Variants in KIF7 observed in about 807,000 individuals in gnomAD.
The protein encoded by KIF7 is kinesin-like protein KIF7.
Under a neutral mutation model 135.7 loss-of-function variants are expected in KIF7, and 104 were observed. The observed-to-expected ratio is 0.77, with a 90% CI of 0.65 to 0.90. The LOEUF (loss-of-function observed/expected upper bound fraction) is 0.90, where lower values mean the gene tolerates loss of function less well. KIF7 is among the 40% of genes least tolerant of loss of function. The pLI is 0.00. For synonymous variants in KIF7, 883 were observed against 809.4 expected, an observed-to-expected ratio of 1.09 and a Z score of -1.54; for missense variants, 2,005 against 1,839.1, an observed-to-expected ratio of 1.09 and a Z score of -1.65.
chr15:89,634,112 A>C (rs1403359819), intron 11 of KIF7, among the ~76,000 whole-genome samples: 1 of 152,194 alleles, frequency 6.6e-6, no homozygotes, highest in Non-Finnish European at 1.5e-5. Context: ...CAACCTGGCC[A>C]ACATAGTGAA....
downstream of KIF7, chr15:89,625,788 T>C: frequency 1.3e-6 from 2 of 1,593,090 alleles, no homozygotes; most frequent in Non-Finnish European, 1.7e-6. Context: ...TTGTTTCCGG[T>C]GAGTTCGTTT....
In KIF7 at chr15:89,630,268, C is replaced by T; in HGVS notation, c.3318+19G>A. 1 of 1,611,624 alleles carries T rather than the reference C, an allele frequency of 6.2e-7. No homozygotes were observed. The highest frequency in any genetic ancestry group is 8.5e-7 in the Non-Finnish European group (1 of 1,178,064). On this transcript the variant is annotated intron_variant, in intron 16 of 18. Transcript: ENST00000394412. ...GTGCCGCTGAGGAGGAGCTGGGGGGCCATGGGCTGCTGGCCCACCTTGTCA... is the reference window on the plus strand; with the variant it reads ...GTGCCGCTGAGGAGGAGCTGGGGGGTCATGGGCTGCTGGCCCACCTTGTCA...
intron 10 of KIF7, among the ~76,000 whole-genome samples, chr15:89,642,875 C>A (rs1358941953): frequency 1.3e-5 from 2 of 152,176 alleles, no homozygotes; most frequent in Admixed American, 1.3e-4. Flanking sequence ...AGCCTCAACT[C>A]ACCTTTTAAA....
chr15:89,639,820 C>T (rs915308459), intron 11 of KIF7, among the ~76,000 whole-genome samples: 1 of 151,994 alleles, frequency 6.6e-6, no homozygotes, highest in African/African-American at 2.4e-5. Context: ...ATAAATCATG[C>T]AGCTATAAAG....
exon 2 of KIF7, chr15:89,618,069 G>A: frequency 7.4e-7 from 1 of 1,359,142 alleles, no homozygotes; most frequent in Non-Finnish European, 1.1e-6. Context: ...TTGTGATCTT[G>A]TTAAGTGAGA....
chr15:89,625,738 A>C (rs775829430), downstream of KIF7: 4 of 1,612,902 alleles, frequency 2.5e-6, no homozygotes, highest in South Asian at 4.4e-5. Context: ...TCCAAGTTGG[A>C]GTGCATGGCA....
At chr15:89,648,033 G>A (rs1340843872) in intron 5 of KIF7, among the ~76,000 whole-genome samples, 1 of 152,228 alleles carries the variant, frequency 6.6e-6, no homozygotes, top group Non-Finnish European at 1.5e-5. Flanking sequence ...CCCACTAAGA[G>A]ATGGGGTAAG....
chr15:89,617,912 G>A (rs897622766), intron 2 of KIF7: 15 of 456,456 alleles, frequency 3.3e-5, no homozygotes, highest in Middle Eastern at 1.2e-3. Context: ...GACTGGTCTC[G>A]AACTCCTGAC....
chr15:89,637,407 G>A (rs892337152), intron 11 of KIF7, among the ~76,000 whole-genome samples: 1 of 151,244 alleles, frequency 6.6e-6, no homozygotes, highest in African/African-American at 2.4e-5. Context: ...TTTTTGAAAG[G>A]ATCAACAAAA....
At chr15:89,648,016 C>T (rs919840669) in intron 5 of KIF7, among the ~76,000 whole-genome samples, 3 of 152,216 alleles carry the variant, frequency 2.0e-5, no homozygotes, top group African/African-American at 7.2e-5. Context: ...TCAGCCCTTA[C>T]AACATCCCCA....
At chr15:89,622,770 C>T (rs763064116) in intron 1 of KIF7, among the ~76,000 whole-genome samples, 4 of 152,180 alleles carry the variant, frequency 2.6e-5, no homozygotes, top group Non-Finnish European at 5.9e-5. Context: ...ACTTCCAGGC[C>T]TTTGCTAGTA....
At chr15:89,646,648 G>A (rs1964018289) in intron 7 of KIF7, among the ~76,000 whole-genome samples, 182 bp downstream of exon 7, 1 of 152,152 alleles carries the variant, frequency 6.6e-6, no homozygotes, top group Non-Finnish European at 1.5e-5. Flanking sequence ...CCTTCTGAGA[G>A]GCCCAGAGTC....
chr15:89,661,248 C>G, the KIF7 span, among the ~76,000 whole-genome samples: 1 of 152,072 alleles, frequency 6.6e-6, no homozygotes, highest in Non-Finnish European at 1.5e-5. Context: ...ATAAAAATCT[C>G]TAGTGAAAAC....
At position 89,648,495 on chromosome 15, in the gene KIF7, G is replaced by C. The variant is rs1346901172; in HGVS notation, c.1203C>G (p.Ala401=). ...CGCACTCGGCGCCCAGGCGCATGGC[G>C]GCCGCCGCGGAGGCGGTGGCTGGGC... is the stretch of plus-strand genomic sequence containing the variant. ...APGPATASAA[A]AMRLGAECAR... is the part of the protein sequence containing the mutation. Residue 401 remains alanine (A), a synonymous_variant, in exon 5 of 19, where the codon GCC becomes GCG. Coordinates refer to ENST00000394412, the MANE Select transcript of KIF7 (RefSeq NM_198525.3). 6 of 1,042,046 alleles carry C rather than the reference G, an allele frequency of 5.8e-6. No individual in the cohort carries two copies. Among genetic ancestry groups the C allele is most frequent in the Non-Finnish European group, 5.8e-6 (5 of 866,110 alleles). 64.5% of individuals were successfully genotyped at this position (1,042,046 alleles called of 1,614,324 possible).
At chr15:89,619,746 T>A in intron 1 of KIF7, 10 of 1,613,866 alleles carry the variant, frequency 6.2e-6, no homozygotes, top group Middle Eastern at 1.6e-4. Flanking sequence ...CAAGCAGTTG[T>A]CATTTAGCAG....
At position 89,629,045 on chromosome 15, in the gene KIF7, G is replaced by A. The variant is rs748917501; in HGVS notation, c.3595C>T (p.Arg1199Cys). ...RIQALEKELGRYMWINQELKQ... is the reference protein window; with the variant it reads ...RIQALEKELGCYMWINQELKQ... Reference sequence around the variant, plus strand: ...AGTTCCTGGTTTATCCACATGTAACGGCCCAGTTCCTTCTCCAGAGCTTGA... The same window carrying A: ...AGTTCCTGGTTTATCCACATGTAACAGCCCAGTTCCTTCTCCAGAGCTTGA... Residue 1199 changes from arginine to cysteine, a missense_variant, in exon 18 of 19, where the codon CGT becomes TGT. Physicochemically the swap from Arg to Cys is radical, Grantham distance 180 (BLOSUM62 -3). Transcript: ENST00000394412. 25 of 1,613,374 alleles carry A rather than the reference G, an allele frequency of 1.5e-5. No homozygotes were observed. The highest frequency in any genetic ancestry group is 1.3e-4 in the African/African-American group (10 of 74,636).
intron 16 of KIF7, 85 bp from the exon 17 acceptor site, chr15:89,629,658 C>T: frequency 6.4e-7 from 1 of 1,550,532 alleles, no homozygotes; most frequent in Non-Finnish European, 8.8e-7. Context: ...AGTATTGGCA[C>T]ACTTGCCACC....
chr15:89,660,155 A>T (rs1281213944), upstream of KIF7, among the ~76,000 whole-genome samples: 4 of 152,194 alleles, frequency 2.6e-5, no homozygotes, highest in Admixed American at 2.0e-4. Context: ...CCAAGATCGT[A>T]CCACTGCACT....
Position 89,630,452 on chromosome 15 carries a change from G to A in KIF7, c.3153C>T (p.Ala1051=). Reference sequence around the variant, plus strand: ...TCTTATACTCAATGGCAGCATCCAGGGCCTCGATGGCCTCATCCAACTGGA... The same window carrying A: ...TCTTATACTCAATGGCAGCATCCAGAGCCTCGATGGCCTCATCCAACTGGA... ...TLFQLDEAIE[A]LDAAIEYKNE... is the part of the protein sequence containing the mutation. Residue 1051 remains alanine (A), a synonymous_variant, in exon 16 of 19, where the codon GCC becomes GCT. Coordinates refer to ENST00000394412, the MANE Select transcript of KIF7 (RefSeq NM_198525.3). 1 of 1,570,082 alleles carries A rather than the reference G, an allele frequency of 6.4e-7. No homozygotes were observed. The highest frequency in any genetic ancestry group is 1.2e-5 in the South Asian group (1 of 85,732).
Sources: gnomAD v4.1 joint callset for allele counts (sites outside exome capture counted in the v4.1 genomes callset) on GRCh38, gnomAD v4.1.1 for gene constraint, MANE v1.5 for transcripts, NCBI Gene and HGNC (gene_info 2026-07-23, HGNC 2026-07-21) for gene names.